PCCA: variants seen among roughly 807,000 people sequenced by gnomAD.
The protein encoded by PCCA is propionyl-CoA carboxylase alpha chain, mitochondrial.
Under a neutral mutation model 101.3 loss-of-function variants are expected in PCCA, and 74 were observed. That is an observed-to-expected ratio of 0.73 (90% CI 0.61 to 0.89). The LOEUF is 0.89. PCCA is among the 40% of genes least tolerant of loss of function. PCCA has a pLI of 0.00. For synonymous variants in PCCA, 294 were observed against 313.6 expected (o/e 0.94, Z 0.66); for missense variants, 891 against 907.0 (o/e 0.98, Z 0.23).
chr13:100,458,941 G>C (rs2081989615), intron 21 of PCCA, among the ~76,000 whole-genome samples: 1 of 152,120 alleles, frequency 6.6e-6, no homozygotes, highest in Admixed American at 6.5e-5. Context: ...ACAGAAATGT[G>C]TTCCTTCACA....
intron 16 of PCCA, among the ~76,000 whole-genome samples, chr13:100,310,960 G>A (rs559991813): frequency 6.6e-6 from 1 of 152,150 alleles, no homozygotes; most frequent in Admixed American, 6.5e-5. Context: ...TTTTGGCCAA[G>A]CACGGTGGCT....
chr13:100,357,929 G>A (rs1254085026), intron 18 of PCCA, among the ~76,000 whole-genome samples: 1 of 152,146 alleles, frequency 6.6e-6, no homozygotes, highest in Non-Finnish European at 1.5e-5. Flanking sequence ...CCCTGGAAAT[G>A]TGCGTAACAA....
intron 19 of PCCA, among the ~76,000 whole-genome samples, chr13:100,422,136 T>TTTC (rs2078865765): frequency 1.8e-5 from 2 of 112,886 alleles, no homozygotes; most frequent in African/African-American, 1.2e-4. Context: ...TCTTTCTTTC[T>TTTC]TTTTTTTTTT....
chr13:100,419,475 AAAAAAAAAAAG>A (rs2078604905), intron 19 of PCCA, among the ~76,000 whole-genome samples: 1 of 151,960 alleles, frequency 6.6e-6, no homozygotes, highest in Admixed American at 6.6e-5. Context: ...TTGTCTCAAA[AAAAAAAAAAAG>A]AAAAGAAAAG....
chr13:100,155,213 T>C (rs751119804), intron 5 of PCCA, 121 bp downstream of exon 5: 36 of 739,314 alleles, frequency 4.9e-5, no homozygotes, highest in Non-Finnish European at 8.6e-5. Flanking sequence ...AGTTAGTTCA[T>C]GTCACATGAG....
intron 7 of PCCA, among the ~76,000 whole-genome samples, chr13:100,235,554 T>G (rs1212284997): frequency 6.6e-6 from 1 of 152,180 alleles, no homozygotes; most frequent in Non-Finnish European, 1.5e-5. Context: ...ACATCTAAAT[T>G]CTGCCATTAA....
intron 21 of PCCA, among the ~76,000 whole-genome samples, chr13:100,506,390 C>T (rs944576234): frequency 4.0e-4 from 12 of 30,142 alleles, no homozygotes; most frequent in African/African-American, 5.9e-4. Context: ...GGGGTGGGGG[C>T]GGGGGCGGCG....
At chr13:100,491,373 C>T (rs142198268) in intron 21 of PCCA, 39 of 189,950 alleles carry the variant, frequency 2.1e-4, no homozygotes, top group African/African-American at 8.8e-4. Flanking sequence ...TTTGAAAGAA[C>T]ATCACGTGAC....
chr13:100,154,668 T>TA (rs771658337), intron 4 of PCCA: 1 of 352,144 alleles, frequency 2.8e-6, no homozygotes, highest in Non-Finnish European at 5.5e-6. Flanking sequence ...TAGTTTTTGA[T>TA]ATCAAATTTA....
Position 100,190,594 on chromosome 13 carries a change from G to C in PCCA, c.469-18738G>C, listed in dbSNP as rs974246220. Among the ~76,000 whole-genome samples, 3 of 152,152 alleles carry C rather than the reference G, an allele frequency of 2.0e-5. No homozygotes were observed. In the East Asian group the frequency reaches 5.8e-4, roughly 29 times the overall value. The stretch of plus-strand genomic sequence containing the variant: ...GGAGGCTGAGGCGGGAGAACTGCTT[G>C]AACCTGGGAGGTGGAGGCTGCAGTG... On this transcript the variant is annotated intron_variant, in intron 6 of 23. Transcript: ENST00000376285.
Position 100,172,200 on chromosome 13 carries a change from CA to C in PCCA, c.468+14876del, listed in dbSNP as rs778270607. Among the ~76,000 whole-genome samples, 314 of 104,252 alleles carry C rather than the reference CA, an allele frequency of 3.0e-3. 1 individual carries two copies. The highest frequency in any genetic ancestry group is 5.5e-3 in the African/African-American group (150 of 27,280). The allele number at this position is 104,252 out of a possible 152,430, so 68.4% of individuals were successfully genotyped here. On this transcript the variant is annotated intron_variant, in intron 6 of 23. Coordinates refer to ENST00000376285, the MANE Select transcript of PCCA (RefSeq NM_000282.4). ...TGGGTGACAGAGCAAAACCCTGTCTCAAAAAAAAAAAAAAAATTTACCTTTC... is the reference window on the plus strand; with the variant it reads ...TGGGTGACAGAGCAAAACCCTGTCTCAAAAAAAAAAAAAAATTTACCTTTC...
chr13:100,257,417 TA>T (rs1222434349), intron 8 of PCCA, among the ~76,000 whole-genome samples, 177 bp from the exon 9 acceptor site: 1 of 152,220 alleles, frequency 6.6e-6, no homozygotes, highest in African/African-American at 2.4e-5. Flanking sequence ...TCTCATTTTT[TA>T]AATACATCAT....
At chr13:100,326,199 T>C (rs552582496) in intron 16 of PCCA, among the ~76,000 whole-genome samples, 2 of 152,246 alleles carry the variant, frequency 1.3e-5, no homozygotes, top group East Asian at 3.9e-4. Flanking sequence ...ATGAAAGAGA[T>C]TGTGGATTTG....
intron 19 of PCCA, among the ~76,000 whole-genome samples, chr13:100,387,436 A>G (rs2076572784): frequency 6.6e-6 from 1 of 152,236 alleles, no homozygotes; most frequent in South Asian, 2.1e-4. Context: ...TCCAGAGCTC[A>G]TAGTAATTTC....
At chr13:100,229,868 C>T (rs913030020) in intron 7 of PCCA, among the ~76,000 whole-genome samples, 3 of 152,180 alleles carry the variant, frequency 2.0e-5, no homozygotes, top group Non-Finnish European at 2.9e-5. Flanking sequence ...CTTTACGGCA[C>T]TGGGGAACAA....
At chr13:100,120,556 T>C (rs1392773638) in intron 4 of PCCA, among the ~76,000 whole-genome samples, 1 of 152,168 alleles carries the variant, frequency 6.6e-6, no homozygotes, top group Non-Finnish European at 1.5e-5. Flanking sequence ...AAGACTGATC[T>C]AGAGCAGTCT....
intron 4 of PCCA, among the ~76,000 whole-genome samples, chr13:100,128,518 G>T (rs2050179608): frequency 6.6e-6 from 1 of 152,160 alleles, no homozygotes; most frequent in African/African-American, 2.4e-5. Context: ...CAGTAATAGG[G>T]TGCTCAGGGA....
intron 6 of PCCA, among the ~76,000 whole-genome samples, chr13:100,204,945 G>A (rs2058762109): frequency 6.6e-6 from 1 of 151,862 alleles, no homozygotes; most frequent in South Asian, 2.1e-4. Flanking sequence ...AGGCACACTT[G>A]GCTCATAATT....
intron 14 of PCCA, among the ~76,000 whole-genome samples, chr13:100,306,675 G>T (rs2066479033): frequency 6.6e-6 from 1 of 150,516 alleles, no homozygotes; most frequent in African/African-American, 2.4e-5. Flanking sequence ...AGGAAAAGCT[G>T]TGTAAACATG....
Sources: allele counts gnomAD v4.1 joint callset (sites outside exome capture counted in the v4.1 genomes callset), GRCh38; gene constraint gnomAD v4.1.1; transcripts MANE v1.5; gene names NCBI Gene and HGNC (gene_info 2026-07-23, HGNC 2026-07-21).